Variants in TMEM232 observed in about 807,000 individuals in gnomAD.
TMEM232 encodes the protein transmembrane protein 232.
TMEM232 carries 80 observed loss-of-function variants against 78.8 expected under a neutral mutation model. That is an observed-to-expected ratio of 1.01 (90% CI 0.85 to 1.22). The LOEUF is 1.22. Among genes scored for constraint, TMEM232 ranks in the 50% most tolerant of loss-of-function variants. The probability of loss-of-function intolerance (pLI) is 0.00; values close to 1 mark genes in which losing one functional copy is unlikely to be tolerated. For missense variants in TMEM232, 881 were observed against 742.2 expected, an observed-to-expected ratio of 1.19 and a Z score of -2.17; for synonymous variants, 297 against 254.3, an observed-to-expected ratio of 1.17 and a Z score of -1.60.
chr5:110,506,602 C>A (rs1046583419), intron 12 of TMEM232, among the ~76,000 whole-genome samples: 2 of 152,110 alleles, frequency 1.3e-5, no homozygotes, highest in Non-Finnish European at 2.9e-5. Flanking sequence ...AAATAACTAC[C>A]CTCTTTTCCA....
At chr5:110,597,166 G>T (rs561562430) in intron 10 of TMEM232, among the ~76,000 whole-genome samples, 260 of 152,250 alleles carry the variant, frequency 1.7e-3, no homozygotes, top group African/African-American at 5.8e-3. Context: ...CTTCAGCAAA[G>T]TCTCAGGATA....
intron 1 of TMEM232, among the ~76,000 whole-genome samples, chr5:110,686,600 T>G (rs754562830): frequency 6.6e-6 from 1 of 152,040 alleles, no homozygotes; most frequent in East Asian, 1.9e-4. Context: ...CACTAAGTTA[T>G]AGATAACCAG....
intron 1 of TMEM232, among the ~76,000 whole-genome samples, chr5:110,726,093 AC>A (rs1393464403): frequency 1.5e-5 from 2 of 134,948 alleles, no homozygotes; most frequent in African/African-American, 3.2e-5. Context: ...TCTCCAATAT[AC>A]CCCCCTCTCT....
chr5:110,674,466 TTTTGTG>T (rs2150156527), intron 1 of TMEM232, among the ~76,000 whole-genome samples: 1 of 152,344 alleles, frequency 6.6e-6, no homozygotes, highest in Admixed American at 6.5e-5. Context: ...TTGAGTTTGA[TTTTGTG>T]AGGTGCTAAA....
intron 12 of TMEM232, among the ~76,000 whole-genome samples, chr5:110,492,844 A>T (rs75545033): frequency 0.033 from 5,070 of 152,072 alleles, 275 homozygotes; most frequent in East Asian, 0.23. Flanking sequence ...CTCTTAGAAG[A>T]CACTTAAAAA....
At chr5:110,429,378 T>C (rs774308147) in intron 12 of TMEM232, among the ~76,000 whole-genome samples, 5 of 151,790 alleles carry the variant, frequency 3.3e-5, no homozygotes, top group Non-Finnish European at 5.9e-5. Context: ...TGCAAAGATA[T>C]TTACAAGAAA....
chr5:110,647,597 T>C (rs1787677902), intron 2 of TMEM232, among the ~76,000 whole-genome samples: 1 of 151,986 alleles, frequency 6.6e-6, no homozygotes, highest in South Asian at 2.1e-4. Context: ...TAAAGAATTT[T>C]TAAAATATTT....
At chr5:110,524,861 T>C (rs1195807127) in intron 12 of TMEM232, among the ~76,000 whole-genome samples, 1 of 152,144 alleles carries the variant, frequency 6.6e-6, no homozygotes, top group Non-Finnish European at 1.5e-5. Flanking sequence ...GTTATATCTT[T>C]CTAGTTAATT....
intron 1 of TMEM232, among the ~76,000 whole-genome samples, chr5:110,671,252 G>C (rs1054723409): frequency 1.3e-5 from 2 of 152,184 alleles, no homozygotes; most frequent in Non-Finnish European, 2.9e-5. Flanking sequence ...GGAAACAACA[G>C]ATGCTGGAGA....
rs182255094 is a variant in TMEM232, at chr5:110,688,981, A to G, written c.-12-21617T>C. Among the ~76,000 whole-genome samples the G allele has an allele frequency of 1.1e-4, 16 of 152,294 alleles. No individual in the cohort carries two copies. The East Asian group carries it at 3.1e-3, about 29-fold the overall frequency. ...TTCCCCTACCCCATTTGTCGGTGTT[A>G]TGTAAAATGAAGATTCCCCCCATTT... On this transcript the variant is annotated intron_variant, in intron 1 of 13. Transcript: ENST00000455884.
intron 2 of TMEM232, among the ~76,000 whole-genome samples, chr5:110,409,743 T>C (rs1405271052): frequency 6.6e-6 from 1 of 152,168 alleles, no homozygotes; most frequent in East Asian, 1.9e-4. Flanking sequence ...TTTGGATGAT[T>C]TTGCCCTTTA....
chr5:110,417,130 A>C (rs1756248067), downstream of TMEM232, among the ~76,000 whole-genome samples: 1 of 152,210 alleles, frequency 6.6e-6, no homozygotes, highest in Admixed American at 6.5e-5. Flanking sequence ...AAATGTAGGG[A>C]GTCTTGAGTT....
At chr5:110,542,430 G>C (rs1401066734) in intron 11 of TMEM232, among the ~76,000 whole-genome samples, 1 of 152,050 alleles carries the variant, frequency 6.6e-6, no homozygotes, top group Non-Finnish European at 1.5e-5. Context: ...AGACCATCAA[G>C]CTTCAGATTA....
chr5:110,524,036 G>A (rs1418418203), intron 12 of TMEM232, among the ~76,000 whole-genome samples: 3 of 150,748 alleles, frequency 2.0e-5, no homozygotes, highest in East Asian at 1.9e-4. Flanking sequence ...AGGCTGAGGC[G>A]GGTGGATCAC....
intron 12 of TMEM232, among the ~76,000 whole-genome samples, chr5:110,458,764 CTA>C (rs992981446): frequency 4.6e-5 from 7 of 152,148 alleles, no homozygotes; most frequent in Admixed American, 2.0e-4. Flanking sequence ...TATATTCCCT[CTA>C]TGTGTTTGGA....
chr5:110,553,897 GT>G (rs1347367450), intron 11 of TMEM232, among the ~76,000 whole-genome samples: 2 of 152,078 alleles, frequency 1.3e-5, no homozygotes, highest in Non-Finnish European at 2.9e-5. Flanking sequence ...TCAATTCCTT[GT>G]TTGTTGAGGG....
chr5:110,594,953 G>A (rs184181293), intron 10 of TMEM232, among the ~76,000 whole-genome samples: 222 of 152,278 alleles, frequency 1.5e-3, no homozygotes, highest in Non-Finnish European at 2.4e-3. Context: ...CAAATGGGTC[G>A]GTGACCCCTG....
chr5:110,524,742 G>T (rs1770315373), intron 12 of TMEM232, among the ~76,000 whole-genome samples: 1 of 151,750 alleles, frequency 6.6e-6, no homozygotes, highest in Non-Finnish European at 1.5e-5. Flanking sequence ...TTGAATGTGG[G>T]GTATTGATAT....
chr5:110,403,198 AT>A (rs964220063), intron 2 of TMEM232, among the ~76,000 whole-genome samples: 24 of 152,134 alleles, frequency 1.6e-4, no homozygotes, highest in Admixed American at 1.6e-3. Context: ...TCCAGAGAAA[AT>A]TTTTTAGTAA....
Sources: gnomAD v4.1 joint callset for allele counts (sites outside exome capture counted in the v4.1 genomes callset) on GRCh38, gnomAD v4.1.1 for gene constraint, MANE v1.5 for transcripts, NCBI Gene and HGNC (gene_info 2026-07-23, HGNC 2026-07-21) for gene names.